The following TSPAN5 variants were observed in gnomAD, a reference collection of about 807,000 sequenced individuals.
The protein encoded by TSPAN5 is tetraspanin-5.
TSPAN5 carries 10 observed loss-of-function variants against 37.1 expected under a neutral mutation model. That is an observed-to-expected ratio of 0.27 (90% CI 0.17 to 0.46). The LOEUF (loss-of-function observed/expected upper bound fraction) is 0.46. Among genes scored for constraint, TSPAN5 ranks in the 20% least tolerant of loss-of-function variants. The pLI is 1.00. For synonymous variants in TSPAN5, 110 were observed against 118.9 expected, an observed-to-expected ratio of 0.93 and a Z score of 0.48; for missense variants, 195 against 326.6, an observed-to-expected ratio of 0.60 and a Z score of 3.11.
intron 1 of TSPAN5, among the ~76,000 whole-genome samples, chr4:98,566,537 A>G (rs1198259964): frequency 6.6e-6 from 1 of 152,226 alleles, no homozygotes; most frequent in Non-Finnish European, 1.5e-5. Flanking sequence ...GCCCAGCTGG[A>G]GCAGCCATGG....
intron 3 of TSPAN5, chr4:98,483,478 T>A (rs934215921): frequency 6.6e-6 from 1 of 152,164 alleles, no homozygotes; most frequent in Non-Finnish European, 1.5e-5. Context: ...GAAACAAGGA[T>A]GAGTAAGAAC....
At chr4:98,507,852 A>G (rs1753512586) in intron 1 of TSPAN5, 124 bp from the exon 2 acceptor site, 1 of 650,770 alleles carries the variant, frequency 1.5e-6, no homozygotes, top group African/African-American at 1.8e-5. Context: ...AAGTGTGAGC[A>G]CTTATCTTTA....
intron 1 of TSPAN5, among the ~76,000 whole-genome samples, chr4:98,549,169 G>A (rs552127486): frequency 2.6e-4 from 40 of 152,290 alleles, no homozygotes; most frequent in South Asian, 1.5e-3. Context: ...CACCAACAGT[G>A]TATAAGCGTT....
chr4:98,607,027 G>A (rs1318327263), intron 1 of TSPAN5, among the ~76,000 whole-genome samples: 5 of 152,050 alleles, frequency 3.3e-5, no homozygotes, highest in African/African-American at 1.2e-4. Context: ...GGCAGTTGGG[G>A]GAAGGGAGCA....
At chr4:98,602,210 T>C (rs1755899970) in intron 1 of TSPAN5, among the ~76,000 whole-genome samples, 1 of 152,186 alleles carries the variant, frequency 6.6e-6, no homozygotes, top group Non-Finnish European at 1.5e-5. Flanking sequence ...TCTTGCTCCA[T>C]GAAGGGTTGC....
intron 1 of TSPAN5, among the ~76,000 whole-genome samples, chr4:98,564,924 T>C (rs1271940928): frequency 1.3e-5 from 2 of 152,204 alleles, no homozygotes; most frequent in African/African-American, 4.8e-5. Context: ...AGACAGGATA[T>C]CACCATCTCA....
chr4:98,530,224 G>A (rs1302437142), intron 1 of TSPAN5, among the ~76,000 whole-genome samples: 1 of 152,230 alleles, frequency 6.6e-6, no homozygotes. Flanking sequence ...GAGAGACAGT[G>A]AGCACATCCT....
chr4:98,489,708 C>T (rs1235745526), intron 2 of TSPAN5, among the ~76,000 whole-genome samples: 1 of 151,992 alleles, frequency 6.6e-6, no homozygotes, highest in South Asian at 2.1e-4. Context: ...GCTAGAGGCT[C>T]GCCATTGTTC....
At chr4:98,473,593 G>A (rs1015699018) in intron 7 of TSPAN5, among the ~76,000 whole-genome samples, 1 of 151,840 alleles carries the variant, frequency 6.6e-6, no homozygotes, top group African/African-American at 2.4e-5. Context: ...CCGAGTAGCT[G>A]GGACTACAGG....
intron 1 of TSPAN5, among the ~76,000 whole-genome samples, chr4:98,631,055 T>C (rs1161557475): frequency 6.6e-6 from 1 of 152,178 alleles, no homozygotes; most frequent in Admixed American, 6.6e-5. Flanking sequence ...ATGCCAGAAC[T>C]TGAAAAAAAT....
Position 98,482,193 on chromosome 4 carries a change from T to C in TSPAN5, c.280-18A>G. On this transcript the variant is annotated intron_variant, in intron 3 of 7. Coordinates refer to ENST00000305798, the MANE Select transcript of TSPAN5 (RefSeq NM_005723.4). ...ACAGAAAACTAAGATAAAAGACACA[T>C]ACACAGAGAACAGTTATAAGGGCTA... 1.9e-6 allele frequency: 3 copies of C among 1,611,956 alleles called. No individual in the cohort carries two copies. The highest frequency in any genetic ancestry group is 2.5e-6 in the Non-Finnish European group (3 of 1,179,054).
chr4:98,548,027 AG>A (rs386419512), intron 1 of TSPAN5, among the ~76,000 whole-genome samples: 3,401 of 134,002 alleles, frequency 0.025, 227 homozygotes, highest in Admixed American at 0.08. Context: ...AAAAAAAAAA[AG>A]AAAAAGAAAA....
intron 1 of TSPAN5, among the ~76,000 whole-genome samples, chr4:98,533,455 T>A (rs1014197477): frequency 6.8e-4 from 103 of 151,466 alleles, no homozygotes; most frequent in African/African-American, 2.4e-3. Flanking sequence ...TTATTACAGG[T>A]TTTCTCATTT....
intron 1 of TSPAN5, among the ~76,000 whole-genome samples, chr4:98,589,718 C>T (rs1324250294): frequency 6.6e-6 from 1 of 152,178 alleles, no homozygotes; most frequent in East Asian, 1.9e-4. Context: ...AAACATGATA[C>T]CATGGCACAA....
intron 1 of TSPAN5, among the ~76,000 whole-genome samples, chr4:98,616,703 C>A (rs1025153514): frequency 6.6e-6 from 1 of 152,142 alleles, no homozygotes; most frequent in Non-Finnish European, 1.5e-5. Context: ...CCATGCTTTT[C>A]ATACTTTGCC....
At chr4:98,555,999 A>G (rs1449472797) in intron 1 of TSPAN5, among the ~76,000 whole-genome samples, 2 of 134,376 alleles carry the variant, frequency 1.5e-5, no homozygotes, top group Non-Finnish European at 3.1e-5. Flanking sequence ...GCGTGCGCAC[A>G]CACACACGTG....
intron 2 of TSPAN5, among the ~76,000 whole-genome samples, chr4:98,488,761 C>T (rs1359199131): frequency 6.6e-6 from 1 of 152,132 alleles, no homozygotes; most frequent in African/African-American, 2.4e-5. Context: ...CGGACAAAAT[C>T]CAAGCAACAG....
intron 1 of TSPAN5, among the ~76,000 whole-genome samples, chr4:98,560,749 A>G (rs7666573): frequency 0.13 from 19,390 of 152,184 alleles, 1,442 homozygotes; most frequent in South Asian, 0.24. Flanking sequence ...TAAACTATAT[A>G]TATAATATAA....
At chr4:98,646,509 A>G (rs1014130608) in intron 1 of TSPAN5, among the ~76,000 whole-genome samples, 2 of 152,188 alleles carry the variant, frequency 1.3e-5, no homozygotes, top group African/African-American at 4.8e-5. Context: ...CAGAAACTCA[A>G]CTTCCCAGTA....
Sources: gnomAD v4.1 joint callset for allele counts (sites outside exome capture counted in the v4.1 genomes callset) on GRCh38, gnomAD v4.1.1 for gene constraint, MANE v1.5 for transcripts, NCBI Gene and HGNC (gene_info 2026-07-23, HGNC 2026-07-21) for gene names.